DNAJC24: variants seen among roughly 807,000 people sequenced by gnomAD.
DNAJC24 encodes the protein DnaJ heat shock protein family (Hsp40) member C24.
Under a neutral mutation model 18.0 loss-of-function variants are expected in DNAJC24, and 17 were observed. That is an observed-to-expected ratio of 0.94 (90% CI 0.65 to 1.42). The LOEUF (loss-of-function observed/expected upper bound fraction) is 1.42, where lower values mean the gene tolerates loss of function less well. Among genes scored for constraint, DNAJC24 ranks in the 40% most tolerant of loss-of-function variants. The probability of loss-of-function intolerance (pLI) is 0.00; values close to 1 mark genes in which losing one functional copy is unlikely to be tolerated. For missense variants in DNAJC24, 158 were observed against 175.6 expected (o/e 0.90, Z 0.57); for synonymous variants, 55 against 57.7 (o/e 0.95, Z 0.21).
chr11:31,415,018 G>A, intron 3 of DNAJC24, 69 bp downstream of exon 3: 1 of 1,531,052 alleles, frequency 6.5e-7, no homozygotes, highest in Non-Finnish European at 8.8e-7. Context: ...AGCCATTCCT[G>A]GGGAGCATTT....
At chr11:31,426,379 C>G in intron 4 of DNAJC24, 24 bp downstream of exon 4, 1 of 1,277,026 alleles carries the variant, frequency 7.8e-7, no homozygotes, top group Non-Finnish European at 1.0e-6. Context: ...TTTCTCTTGA[C>G]AACATTTAAA....
chr11:31,417,578 A>C (rs1952762157), intron 3 of DNAJC24, among the ~76,000 whole-genome samples: 1 of 152,100 alleles, frequency 6.6e-6, no homozygotes, highest in South Asian at 2.1e-4. Flanking sequence ...ACATGGAAAT[A>C]GCTTTGTTAT....
chr11:31,397,815 T>C (rs1409306066), intron 2 of DNAJC24, among the ~76,000 whole-genome samples: 1 of 152,094 alleles, frequency 6.6e-6, no homozygotes, highest in East Asian at 1.9e-4. Context: ...TTTCTTTTTT[T>C]TTTTTATTTT....
intron 2 of DNAJC24, among the ~76,000 whole-genome samples, chr11:31,383,777 C>A (rs1952401524): frequency 6.6e-6 from 1 of 152,252 alleles, no homozygotes; most frequent in Admixed American, 6.5e-5. Context: ...GGAACCACAC[C>A]TGATGCAGCC....
Position 31,432,426 on chromosome 11 carries a change from G to T in DNAJC24, c.*2025G>T. 1 of 1,012,188 alleles carries T rather than the reference G, an allele frequency of 9.9e-7. No homozygotes were observed. Among genetic ancestry groups the T allele is most frequent in the Non-Finnish European group, 1.6e-6 (1 of 637,928 alleles). 62.7% of individuals were successfully genotyped at this position (1,012,188 alleles called of 1,614,324 possible). On this transcript the variant is annotated 3_prime_UTR_variant, in exon 5 of 5. Coordinates refer to ENST00000465995, the MANE Select transcript of DNAJC24 (RefSeq NM_181706.5). ...TGAATAGCAAATAGTTTATTGGTAA[G>T]TACACGGTTTCAACGGGAGTAATAA... is the stretch of plus-strand genomic sequence containing the variant.
chr11:31,420,403 T>C (rs1952792213), intron 3 of DNAJC24, among the ~76,000 whole-genome samples: 1 of 152,008 alleles, frequency 6.6e-6, no homozygotes, highest in African/African-American at 2.4e-5. Flanking sequence ...GTAGGTCCGT[T>C]TTATTGGGAC....
chr11:31,390,567 C>G (rs1404243487), intron 2 of DNAJC24, among the ~76,000 whole-genome samples: 4 of 149,426 alleles, frequency 2.7e-5, no homozygotes, highest in African/African-American at 9.9e-5. Context: ...TTAGCTGGGC[C>G]TGGTGGCGCA....
chr11:31,421,504 A>G (rs1952803793), intron 3 of DNAJC24, among the ~76,000 whole-genome samples: 1 of 152,220 alleles, frequency 6.6e-6, no homozygotes, highest in African/African-American at 2.4e-5. Flanking sequence ...TTATGGACAG[A>G]GCTGCAGGTG....
chr11:31,376,200 T>G (rs1417590067), intron 2 of DNAJC24, among the ~76,000 whole-genome samples: 1 of 152,224 alleles, frequency 6.6e-6, no homozygotes, highest in Non-Finnish European at 1.5e-5. Flanking sequence ...TTTCGCCTTC[T>G]GCCATGATTG....
At chr11:31,430,187 T>C in intron 4 of DNAJC24, 84 bp from the exon 5 acceptor site, 1 of 1,196,714 alleles carries the variant, frequency 8.4e-7, no homozygotes, top group African/African-American at 1.6e-5. Flanking sequence ...ACAATTCCTA[T>C]GGAATAAACT....
chr11:31,420,546 G>T (rs553977815), intron 3 of DNAJC24, among the ~76,000 whole-genome samples: 176 of 152,114 alleles, frequency 1.2e-3, no homozygotes, highest in Middle Eastern at 3.4e-3. Context: ...TTTTCTTATG[G>T]TCTGGTATAG....
intron 2 of DNAJC24, among the ~76,000 whole-genome samples, chr11:31,399,300 A>T (rs1182941275): frequency 6.6e-6 from 1 of 152,212 alleles, no homozygotes; most frequent in Non-Finnish European, 1.5e-5. Flanking sequence ...TAGAGGTTTT[A>T]AAAAAGGTTT....
intron 2 of DNAJC24, among the ~76,000 whole-genome samples, chr11:31,391,330 A>G (rs1461027284): frequency 6.6e-6 from 1 of 152,216 alleles, no homozygotes; most frequent in Non-Finnish European, 1.5e-5. Context: ...GTTATTAAGC[A>G]TAGTACTGGA....
At chr11:31,422,135 A>C in intron 3 of DNAJC24, 1 of 236,246 alleles carries the variant, frequency 4.2e-6, no homozygotes, top group South Asian at 4.8e-5. Flanking sequence ...TTTTTCAAGT[A>C]AGCACATACA....
chr11:31,393,140 C>T (rs866355195), intron 2 of DNAJC24, among the ~76,000 whole-genome samples: 1 of 152,192 alleles, frequency 6.6e-6, no homozygotes, highest in Non-Finnish European at 1.5e-5. Context: ...TGCCCGAATA[C>T]AGCAGTACAG....
intron 2 of DNAJC24, among the ~76,000 whole-genome samples, chr11:31,373,052 T>G (rs1952281526): frequency 7.4e-6 from 1 of 135,034 alleles, no homozygotes; most frequent in Non-Finnish European, 1.7e-5. Context: ...ATAATTTTCT[T>G]TTATGAAGTG....
intron 2 of DNAJC24, among the ~76,000 whole-genome samples, chr11:31,378,179 G>A (rs574885555): frequency 2.0e-5 from 3 of 149,814 alleles, no homozygotes; most frequent in Non-Finnish European, 4.4e-5. Flanking sequence ...AGGTACTTAG[G>A]CATTAAGAGA....
intron 2 of DNAJC24, among the ~76,000 whole-genome samples, 168 bp from the exon 3 acceptor site, chr11:31,414,641 TTA>T (rs2133497726): frequency 6.6e-6 from 1 of 152,342 alleles, no homozygotes; most frequent in African/African-American, 2.4e-5. Flanking sequence ...AGTGGTCTAA[TTA>T]ACCTGGCAGT....
chr11:31,410,149 C>T (rs1459823400), intron 2 of DNAJC24, among the ~76,000 whole-genome samples: 1 of 152,086 alleles, frequency 6.6e-6, no homozygotes, highest in African/African-American at 2.4e-5. Flanking sequence ...TCCCAAAGTG[C>T]TGGGATTACA....
Sources: gnomAD v4.1 joint callset for allele counts (sites outside exome capture counted in the v4.1 genomes callset) on GRCh38, gnomAD v4.1.1 for gene constraint, MANE v1.5 for transcripts, NCBI Gene and HGNC (gene_info 2026-07-23, HGNC 2026-07-21) for gene names.